The following SCLY variants were observed in gnomAD, a reference collection of about 807,000 sequenced individuals.
SCLY encodes selenocysteine lyase, also known as putative selenocysteine lyase.
In SCLY, 38 loss-of-function variants were observed where a neutral mutation model predicts 50.1. That is an observed-to-expected ratio of 0.76 (90% CI 0.59 to 0.99). SCLY has a LOEUF of 0.99. Among genes scored for constraint, SCLY ranks in the 50% least tolerant of loss-of-function variants. The pLI is 0.00. For synonymous variants in SCLY, 243 were observed against 249.4 expected, an observed-to-expected ratio of 0.97 and a Z score of 0.24; for missense variants, 600 against 620.0, an observed-to-expected ratio of 0.97 and a Z score of 0.34.
intron 4 of SCLY, chr2:238,079,224 C>T (rs1257861002): frequency 6.6e-6 from 1 of 151,640 alleles, no homozygotes; most frequent in Non-Finnish European, 1.5e-5. Context: ...ACAGGCATAT[C>T]CCATCGCACT....
Position 238,082,251 on chromosome 2 carries a change from C to G in SCLY, c.777+42C>G, listed in dbSNP as rs199950944. 3.3e-6 allele frequency: 5 copies of G among 1,538,190 alleles called. No individual in the cohort carries two copies. In the Admixed American group the frequency reaches 9.8e-5, roughly 30 times the overall value. ...TTCCTGCCTCTGTGGGCAGAGCCTA[C>G]TGCGCAGGTGGCTGTTTACTCCTCG... On this transcript the variant is annotated intron_variant, in intron 6 of 11. Coordinates refer to ENST00000254663, the MANE Select transcript of SCLY (RefSeq NM_016510.7).
chr2:238,072,637 T>C (rs1201678453), intron 4 of SCLY, among the ~76,000 whole-genome samples: 1 of 152,226 alleles, frequency 6.6e-6, no homozygotes, highest in Non-Finnish European at 1.5e-5. Flanking sequence ...TGGCCAGTAG[T>C]GTTGAGCATC....
chr2:238,065,475 G>A (rs1394989317), intron 2 of SCLY, among the ~76,000 whole-genome samples: 1 of 152,132 alleles, frequency 6.6e-6, no homozygotes, highest in Non-Finnish European at 1.5e-5. Flanking sequence ...CCTGAATGAA[G>A]CCTGGCAGTG....
In SCLY at chr2:238,099,051, C is replaced by T; in HGVS notation, c.*696C>T. On this transcript the variant is annotated 3_prime_UTR_variant, in exon 12 of 12. Coordinates refer to ENST00000254663, the MANE Select transcript of SCLY (RefSeq NM_016510.7). ...AGCCTGACCCTGTTCCGCCCACTGGCAATCAGGGCTGCGCACTTCCCTGTC... is the reference window on the plus strand; with the variant it reads ...AGCCTGACCCTGTTCCGCCCACTGGTAATCAGGGCTGCGCACTTCCCTGTC... 2.9e-6 allele frequency: 1 copy of T among 348,764 alleles called. No homozygotes were observed. The highest frequency in any genetic ancestry group is 4.0e-5 in the Admixed American group (1 of 25,242). The allele number at this position is 348,764 out of a possible 1,614,324, so 21.6% of individuals were successfully genotyped here. A position where few individuals can be genotyped will look rare whatever the true frequency, so the allele number is the denominator to read the frequency against.
rs548358261 is a variant in SCLY, at chr2:238,066,870, C to T, written c.203-1195C>T. Among the ~76,000 whole-genome samples the T allele has an allele frequency of 8.8e-4, 134 of 152,164 alleles. No individual in the cohort carries two copies. The highest frequency in any genetic ancestry group is 1.4e-3 in the Non-Finnish European group (95 of 68,002). On this transcript the variant is annotated intron_variant, in intron 2 of 11. Coordinates refer to ENST00000254663, the MANE Select transcript of SCLY (RefSeq NM_016510.7). The surrounding 1 kb of genome is among the most constrained non-coding windows in gnomAD (Gnocchi z 4.1). ...GAGGCCCCACAATCACGGAGGAAGGCGAAAGAGGAGCAAAGTCACATCTTA... is the reference window on the plus strand; with the variant it reads ...GAGGCCCCACAATCACGGAGGAAGGTGAAAGAGGAGCAAAGTCACATCTTA...
At position 238,066,759 on chromosome 2, in the gene SCLY, C is replaced by G. The variant is rs1286100333; in HGVS notation, c.203-1306C>G. 6.6e-6 allele frequency among the ~76,000 whole-genome samples: 1 copy of G among 152,148 alleles called. No individual in the cohort carries two copies. The highest frequency in any genetic ancestry group is 1.5e-5 in the Non-Finnish European group (1 of 68,036). ...CATTTCCTGAGTGTATTAGTCTGTT[C>G]TCATGCTGCTAATGAAGATGTACCT... On this transcript the variant is annotated intron_variant, in intron 2 of 11. Coordinates refer to ENST00000254663, the MANE Select transcript of SCLY (RefSeq NM_016510.7). The surrounding 1 kb of genome is among the most constrained non-coding windows in gnomAD (Gnocchi z 4.1).
chr2:238,098,633 G>GGGAACGCCCCCATAGGACCGCCCACATA lies in SCLY; in HGVS notation c.*281_*282insACGCCCCCATAGGACCGCCCACATAGGA, dbSNP rs1559254772. 4.5e-6 allele frequency: 1 copy of GGGAACGCCCCCATAGGACCGCCCACATA among 223,764 alleles called. No homozygotes were observed. The highest frequency in any genetic ancestry group is 4.0e-5 in the African/African-American group (1 of 24,692). The allele number at this position is 223,764 out of a possible 1,614,324, so 13.9% of individuals were successfully genotyped here. On this transcript the variant is annotated 3_prime_UTR_variant, in exon 12 of 12. Transcript: ENST00000254663. ...ACCGCCCACATGGGACCGCCCACAT[G>GGGAACGCCCCCATAGGACCGCCCACATA]GGACCGCCCACATGGGACCGCCCAC... is the stretch of plus-strand genomic sequence containing the variant.
rs1057154306 is a variant in SCLY, at chr2:238,093,895, A to G, written c.956A>G (p.Tyr319Cys). The change falls in exon 9 of 12, where the codon TAT (tyrosine) becomes TGT (cysteine). Residue 319 changes from tyrosine (Y) to cysteine (C), a missense_variant. Coordinates refer to ENST00000254663, the MANE Select transcript of SCLY (RefSeq NM_016510.7). ...CTGGTGACCCAGAACTGCGAGGCTTATGAGGCCCACATGAGGGACGTCCGC... is the reference window on the plus strand; with the variant it reads ...CTGGTGACCCAGAACTGCGAGGCTTGTGAGGCCCACATGAGGGACGTCCGC... ...AELVTQNCEA[Y>C]EAHMRDVRDY... The G allele has an allele frequency of 6.2e-7, 1 of 1,614,082 alleles. No homozygotes were observed. Among genetic ancestry groups the G allele is most frequent in the Non-Finnish European group, 8.5e-7 (1 of 1,180,012 alleles).
intron 2 of SCLY, among the ~76,000 whole-genome samples, chr2:238,065,666 A>T (rs866593285): frequency 2.6e-4 from 38 of 146,116 alleles, no homozygotes; most frequent in Middle Eastern, 3.6e-3. Context: ...TTATTTTATT[A>T]TTATTATTAT....
intron 8 of SCLY, 92 bp downstream of exon 8, chr2:238,091,346 C>G (rs1196055087): frequency 9.8e-7 from 1 of 1,022,036 alleles, no homozygotes; most frequent in Non-Finnish European, 1.6e-6. Flanking sequence ...TTAGGGAGAT[C>G]ATATTCGTGA....
chr2:238,086,708 T>TTAAAA (rs749210944), intron 7 of SCLY, among the ~76,000 whole-genome samples: 1 of 97,710 alleles, frequency 1.0e-5, no homozygotes, highest in African/African-American at 4.3e-5. Context: ...CCTGTCTCTT[T>TTAAAA]AAAAAAAAAA....
intron 8 of SCLY, 122 bp from the exon 9 acceptor site, chr2:238,093,739 C>CT (rs2065393970): frequency 4.4e-6 from 4 of 902,912 alleles, no homozygotes; most frequent in Non-Finnish European, 7.0e-6. Context: ...AAAATATGGT[C>CT]TGTCTGTGAC....
rs756984633 is a variant in SCLY, at chr2:238,068,098, G to A, written c.236G>A (p.Arg79Gln). 6.2e-6 allele frequency: 10 copies of A among 1,612,634 alleles called. No individual in the cohort carries two copies. In the South Asian group the frequency reaches 7.7e-5, roughly 12 times the overall value. Reference protein sequence around the residue: ...RKAKDIINAARESLAKMIGGK... With the variant: ...RKAKDIINAAQESLAKMIGGK... ...GCCAAGGATATTATAAATGCAGCTC[G>A]GGAAAGCCTCGCGAAGATGATAGGG... The change falls in exon 3 of 12, where the codon CGG (arginine) becomes CAG (glutamine). Residue 79 changes from arginine to glutamine, a missense_variant. Coordinates refer to ENST00000254663, the MANE Select transcript of SCLY (RefSeq NM_016510.7).
intron 4 of SCLY, chr2:238,078,539 A>T (rs1191010164): frequency 6.6e-6 from 1 of 152,160 alleles, no homozygotes; most frequent in Non-Finnish European, 1.5e-5. Context: ...TAAACTTACC[A>T]GTATATACTT....
intron 7 of SCLY, among the ~76,000 whole-genome samples, chr2:238,084,410 G>T (rs560981153): frequency 1.5e-5 from 2 of 136,098 alleles, no homozygotes; most frequent in South Asian, 5.2e-4. Flanking sequence ...GGCCGAGATG[G>T]TAAAACCTTA....
intron 4 of SCLY, 159 bp from the exon 5 acceptor site, chr2:238,081,550 C>A (rs2065237472): frequency 1.1e-6 from 1 of 923,616 alleles, no homozygotes; most frequent in Non-Finnish European, 1.6e-6. Context: ...TGACTCTGGG[C>A]CAGTGATGAT....
rs539990852 is a variant in SCLY at position 238,099,079 on chromosome 2, C to G, written c.*724C>G. 2 of 360,542 alleles carry G rather than the reference C, an allele frequency of 5.5e-6. No individual in the cohort carries two copies. The highest frequency in any genetic ancestry group is 3.8e-5 in the Admixed American group (1 of 26,166). The allele number at this position is 360,542 out of a possible 1,614,324, so 22.3% of individuals were successfully genotyped here. ...TCAGGGCTGCGCACTTCCCTGTCCA[C>G]GGTCCCCAGGCCTTCCTGTCTTGTC... On this transcript the variant is annotated 3_prime_UTR_variant, in exon 12 of 12. Transcript: ENST00000254663.
intron 7 of SCLY, among the ~76,000 whole-genome samples, chr2:238,089,465 T>C (rs572421130): frequency 5.9e-5 from 9 of 152,268 alleles, no homozygotes; most frequent in African/African-American, 2.2e-4. Flanking sequence ...AAAGTTAGCC[T>C]TTCAACAGAT....
At position 238,068,059 on chromosome 2, in the gene SCLY, C is replaced by T; in HGVS notation, c.203-6C>T. On this transcript the variant is annotated splice_polypyrimidine_tract_variant and splice_region_variant and intron_variant, in intron 2 of 11. Coordinates refer to ENST00000254663, the MANE Select transcript of SCLY (RefSeq NM_016510.7). Reference sequence around the variant, plus strand: ...TGTTAATGAATTTCCTTTTTGGTCCCTCAAGGAAGAAAGGCCAAGGATATT... The same window carrying T: ...TGTTAATGAATTTCCTTTTTGGTCCTTCAAGGAAGAAAGGCCAAGGATATT... 1 of 1,603,568 alleles carries T rather than the reference C, an allele frequency of 6.2e-7. No individual in the cohort carries two copies. The highest frequency in any genetic ancestry group is 8.5e-7 in the Non-Finnish European group (1 of 1,174,962).
Sources: gnomAD v4.1 joint callset for allele counts (sites outside exome capture counted in the v4.1 genomes callset) on GRCh38, gnomAD v4.1.1 for gene constraint, Gnocchi (gnomAD v3.1) non-coding constraint, MANE v1.5 for transcripts, NCBI Gene and HGNC (gene_info 2026-07-23, HGNC 2026-07-21) for gene names.